The following ITPR2 variants were observed in gnomAD, a reference collection of about 807,000 sequenced individuals.
The protein encoded by ITPR2 is inositol 1,4,5-trisphosphate-gated calcium channel ITPR2.
ITPR2 carries 207 observed loss-of-function variants against 317.1 expected under a neutral mutation model. That is an observed-to-expected ratio of 0.65 (90% confidence interval 0.58 to 0.73). The LOEUF is 0.73. Among genes scored for constraint, ITPR2 ranks in the 30% least tolerant of loss-of-function variants. ITPR2 has a pLI of 0.00. For missense variants in ITPR2, 2,613 were observed against 3,284.0 expected (o/e 0.80, Z 4.99); for synonymous variants, 1,156 against 1,149.1 (o/e 1.01, Z -0.12).
At chr12:26,381,512 A>G (rs1359912837) in intron 55 of ITPR2, among the ~76,000 whole-genome samples, 10 of 152,226 alleles carry the variant, frequency 6.6e-5, no homozygotes, top group Admixed American at 6.5e-4. Context: ...AATACATATT[A>G]CAGATATTAC....
chr12:26,476,963 A>T lies in ITPR2; in HGVS notation c.6168T>A (p.His2056Gln). 1 of 1,613,614 alleles carries T rather than the reference A, an allele frequency of 6.2e-7. No individual in the cohort carries two copies. The highest frequency in any genetic ancestry group is 8.5e-7 in the Non-Finnish European group (1 of 1,179,662). ...KLLLAIMESR[H>Q]DSENAERILF... ...GAATTCTTTCTGCATTCTCACTGTC[A>T]TGTCTGCTTTCCATAATGGCCAGCA... Residue 2056 changes from histidine (H) to glutamine (Q), a missense_variant, in exon 44 of 57, where the codon CAT (histidine) becomes CAA (glutamine). Physicochemically the swap from His to Gln is conservative, Grantham distance 24 (BLOSUM62 0). Coordinates refer to ENST00000381340, the MANE Select transcript of ITPR2 (RefSeq NM_002223.4).
intron 32 of ITPR2, among the ~76,000 whole-genome samples, chr12:26,591,023 T>C (rs1167774785): frequency 1.5e-5 from 2 of 133,606 alleles, no homozygotes; most frequent in African/African-American, 5.8e-5. Flanking sequence ...GGTGTTGCAG[T>C]GACCTGAGAT....
rs762257839 is a variant in ITPR2 at position 26,561,836 on chromosome 12, G to A, written c.4747C>T (p.Arg1583Cys). 27 of 1,596,894 alleles carry A rather than the reference G, an allele frequency of 1.7e-5. No individual in the cohort carries two copies. The highest frequency in any genetic ancestry group is 6.9e-5 in the East Asian group (3 of 43,518). ...GCTTCCTTAAAGCGTGGCCCAGAGC[G>A]AGCTGATAGTCTCCAACCCATTGCT... ...RAAMGWRLSA[R>C]SGPRFKEALG... Residue 1583 changes from arginine to cysteine, a missense_variant, in exon 35 of 57, where the codon CGC becomes TGC. Arg to Cys is a radical substitution (Grantham distance 180). Coordinates refer to ENST00000381340, the MANE Select transcript of ITPR2 (RefSeq NM_002223.4).
chr12:26,394,410 C>T (rs1939933304), intron 54 of ITPR2, among the ~76,000 whole-genome samples: 2 of 152,156 alleles, frequency 1.3e-5, no homozygotes, highest in Admixed American at 6.5e-5. Flanking sequence ...ACTTCTAGAA[C>T]AATGGCATTA....
At chr12:26,374,925 C>A (rs962501721) in intron 55 of ITPR2, among the ~76,000 whole-genome samples, 1 of 152,192 alleles carries the variant, frequency 6.6e-6, no homozygotes, top group Non-Finnish European at 1.5e-5. Flanking sequence ...TATGGACATG[C>A]GGTTGCCTGA....
chr12:26,440,976 T>A (rs1189476781), intron 46 of ITPR2, among the ~76,000 whole-genome samples: 1 of 152,136 alleles, frequency 6.6e-6, no homozygotes, highest in African/African-American at 2.4e-5. Context: ...AAATGCTTAT[T>A]CAGTCTTTAG....
intron 8 of ITPR2, 85 bp downstream of exon 8, chr12:26,715,214 T>G: frequency 2.6e-6 from 3 of 1,159,220 alleles, no homozygotes; most frequent in Non-Finnish European, 3.7e-6. Context: ...TCATAAATGA[T>G]GCCTATAACA....
At chr12:26,686,400 T>C in intron 11 of ITPR2, 81 bp downstream of exon 11, 1 of 876,406 alleles carries the variant, frequency 1.1e-6, no homozygotes, top group Non-Finnish European at 1.6e-6. Context: ...ATCATAAAAA[T>C]ATATTAATAT....
chr12:26,810,671 G>C (rs558888739), intron 1 of ITPR2, among the ~76,000 whole-genome samples: 1 of 152,274 alleles, frequency 6.6e-6, no homozygotes, highest in Non-Finnish European at 1.5e-5. Flanking sequence ...GATGTGATAG[G>C]AACTGTTTTA....
chr12:26,522,752 A>G (rs2136942255), intron 37 of ITPR2, among the ~76,000 whole-genome samples: 1 of 152,350 alleles, frequency 6.6e-6, no homozygotes, highest in South Asian at 2.1e-4. Context: ...TAATCTACTC[A>G]CATCAAAATC....
intron 22 of ITPR2, among the ~76,000 whole-genome samples, chr12:26,629,799 G>A (rs760157752): frequency 6.6e-6 from 1 of 151,374 alleles, no homozygotes; most frequent in African/African-American, 2.4e-5. Context: ...AGACTTTTAT[G>A]CTTTTTATGG....
chr12:26,779,116 G>A (rs773187732), intron 2 of ITPR2, among the ~76,000 whole-genome samples: 31 of 152,312 alleles, frequency 2.0e-4, no homozygotes, highest in South Asian at 6.2e-4. Flanking sequence ...TGGGCCATGT[G>A]ACCCAACAGA....
intron 2 of ITPR2, among the ~76,000 whole-genome samples, chr12:26,756,418 G>A (rs1001854358): frequency 1.3e-5 from 2 of 152,148 alleles, no homozygotes; most frequent in Non-Finnish European, 2.9e-5. Context: ...GGTTCCAACA[G>A]TTGCCCAGTT....
At chr12:26,568,240 A>G (rs926039169) in intron 34 of ITPR2, among the ~76,000 whole-genome samples, 1 of 151,148 alleles carries the variant, frequency 6.6e-6, no homozygotes, top group Non-Finnish European at 1.5e-5. Context: ...GTTCACTTCT[A>G]AGTTGGAACG....
intron 16 of ITPR2, 132 bp from the exon 17 acceptor site, chr12:26,658,262 G>T: frequency 1.9e-6 from 1 of 514,404 alleles, no homozygotes; most frequent in Non-Finnish European, 3.0e-6. Flanking sequence ...CACAACATTT[G>T]TCTAATGTGT....
intron 1 of ITPR2, among the ~76,000 whole-genome samples, chr12:26,809,359 T>C (rs975621723): frequency 6.6e-6 from 1 of 152,226 alleles, no homozygotes; most frequent in Non-Finnish European, 1.5e-5. Flanking sequence ...ACAACTTATT[T>C]CTCAACCTTC....
intron 1 of ITPR2, 31 bp downstream of exon 1, chr12:26,832,659 G>C: frequency 6.5e-7 from 1 of 1,530,418 alleles, no homozygotes; most frequent in Non-Finnish European, 8.9e-7. Flanking sequence ...CCCGGAGCGC[G>C]AGCGCTGCCC....
At chr12:26,497,468 T>C (rs1158309173) in intron 37 of ITPR2, among the ~76,000 whole-genome samples, 1 of 36,316 alleles carries the variant, frequency 2.8e-5, no homozygotes, top group Non-Finnish European at 8.9e-5. Flanking sequence ...TTCTATGTCT[T>C]ACCTTTACTC....
At chr12:26,645,616 G>A (rs905180144) in intron 21 of ITPR2, among the ~76,000 whole-genome samples, 3 of 152,338 alleles carry the variant, frequency 2.0e-5, no homozygotes, top group East Asian at 1.9e-4. Context: ...GCAGCATGGT[G>A]CTGGGAAGTG....
Sources: gnomAD v4.1 joint callset for allele counts (sites outside exome capture counted in the v4.1 genomes callset) on GRCh38, gnomAD v4.1.1 for gene constraint, MANE v1.5 for transcripts, NCBI Gene and HGNC (gene_info 2026-07-23, HGNC 2026-07-21) for gene names.